ATRN: variants seen among roughly 807,000 people sequenced by gnomAD.
The protein encoded by ATRN is attractin-2.
A neutral mutation model predicts 178.7 loss-of-function variants in ATRN; 54 were observed. The observed-to-expected ratio is 0.30, with a 90% CI of 0.24 to 0.38. The LOEUF (loss-of-function observed/expected upper bound fraction) is 0.38, where lower values mean the gene tolerates loss of function less well. Among genes scored for constraint, ATRN ranks in the 10% least tolerant of loss-of-function variants. The probability of loss-of-function intolerance (pLI) is 1.00; values close to 1 mark genes in which losing one functional copy is unlikely to be tolerated. For synonymous variants in ATRN, 636 were observed against 663.0 expected (o/e 0.96, Z 0.63); for missense variants, 1,443 against 1,815.1 (o/e 0.79, Z 3.73).
At chr20:3,577,398 G>A (rs912987430) in intron 14 of ATRN, among the ~76,000 whole-genome samples, 6 of 152,112 alleles carry the variant, frequency 3.9e-5, no homozygotes, top group African/African-American at 1.4e-4. Context: ...CTGCTAATGG[G>A]CCTTCTCTGA....
At chr20:3,580,888 T>C (rs1025682625) in intron 15 of ATRN, among the ~76,000 whole-genome samples, 9 of 152,216 alleles carry the variant, frequency 5.9e-5, no homozygotes, top group African/African-American at 2.2e-4. Context: ...ATTGTCTTTC[T>C]TTCTTTTGGA....
rs1364803740 is a variant in ATRN at position 3,650,106 on chromosome 20, C to T, written c.*3259C>T. The T allele has an allele frequency of 3.3e-5, 5 of 152,364 alleles. No individual in the cohort carries two copies. The highest frequency in any genetic ancestry group is 3.3e-4 in the Admixed American group (5 of 15,280). The allele number at this position is 152,364 out of a possible 1,614,324, so 9.4% of individuals were successfully genotyped here. On this transcript the variant is annotated 3_prime_UTR_variant, in exon 29 of 29. Transcript: ENST00000262919. ...AGTACTGGACTACCCGTGGGTAAGT[C>T]CTGCCATTCAAGACTGGAGACACCT...
At chr20:3,495,017 T>C (rs2084859339) in intron 1 of ATRN, among the ~76,000 whole-genome samples, 2 of 152,348 alleles carry the variant, frequency 1.3e-5, no homozygotes, top group South Asian at 4.1e-4. Context: ...TTAAAACATA[T>C]AGAATTCATT....
rs767024918 is a variant in ATRN, at chr20:3,604,220, CTTTG to C, written c.3763_3766del (p.Val1255MetfsTer29). Reference sequence around the variant, plus strand: ...TTCGCAACCACCCAAATATCACTTTCTTTGTTTATGTCAGTAATTTCACCTGGCC... The same window carrying C: ...TTCGCAACCACCCAAATATCACTTTCTTTATGTCAGTAATTTCACCTGGCC... On this transcript the variant is annotated frameshift_variant, in exon 24 of 29. Coordinates refer to ENST00000262919, the MANE Select transcript of ATRN (RefSeq NM_139321.3). LOFTEE classifies it high-confidence loss of function. 1.9e-6 allele frequency: 3 copies of C among 1,612,456 alleles called. No individual in the cohort carries two copies. The highest frequency in any genetic ancestry group is 2.5e-6 in the Non-Finnish European group (3 of 1,179,564).
chr20:3,630,778 C>T (rs1320415352), intron 25 of ATRN, among the ~76,000 whole-genome samples: 1 of 152,080 alleles, frequency 6.6e-6, no homozygotes, highest in Non-Finnish European at 1.5e-5. Flanking sequence ...GAAAAGAATC[C>T]GGAACTTTGG....
intron 10 of ATRN, among the ~76,000 whole-genome samples, chr20:3,564,483 C>CT (rs775229595): frequency 3.9e-5 from 6 of 152,122 alleles, no homozygotes; most frequent in Non-Finnish European, 7.4e-5. Flanking sequence ...GAGTGAGACA[C>CT]TGAGTGTGAG....
At chr20:3,519,930 A>T (rs1030917684) in intron 1 of ATRN, among the ~76,000 whole-genome samples, 3 of 152,232 alleles carry the variant, frequency 2.0e-5, no homozygotes, top group Non-Finnish European at 2.9e-5. Flanking sequence ...TGTACAGGTA[A>T]AAGAAAGATG....
At chr20:3,478,862 CT>C (rs1184861377) in intron 1 of ATRN, among the ~76,000 whole-genome samples, 1 of 150,518 alleles carries the variant, frequency 6.6e-6, no homozygotes, top group African/African-American at 2.4e-5. Flanking sequence ...CCCATTCTTT[CT>C]TTTCATCTCT....
At chr20:3,604,363 T>C in intron 24 of ATRN, 101 bp downstream of exon 24, 3 of 1,361,808 alleles carry the variant, frequency 2.2e-6, no homozygotes, top group Non-Finnish European at 2.0e-6. Flanking sequence ...AGATGTGCAA[T>C]GTGGCTTTGC....
intron 25 of ATRN, among the ~76,000 whole-genome samples, chr20:3,633,801 G>T (rs1354525880): frequency 6.6e-6 from 1 of 152,098 alleles, no homozygotes. Context: ...CATTTCAAAT[G>T]TGTTTTATTT....
At chr20:3,528,528 G>C (rs1357808696) in intron 1 of ATRN, among the ~76,000 whole-genome samples, 1 of 152,064 alleles carries the variant, frequency 6.6e-6, no homozygotes, top group Non-Finnish European at 1.5e-5. Flanking sequence ...CTTACAAGTA[G>C]GAACTAATCA....
chr20:3,594,401 G>T lies in ATRN; in HGVS notation c.3323-78G>T, dbSNP rs75510145. ...TACTGAACTCAATTCAGATAAAATT[G>T]CTTGTTTTGGAAAAAGTCTCCAATA... On this transcript the variant is annotated intron_variant, in intron 19 of 28. Transcript: ENST00000262919. 2,669 of 1,157,340 alleles carry T rather than the reference G, an allele frequency of 2.3e-3. 85 individuals carry two copies. The East Asian group carries it at 0.055, about 24-fold the overall frequency. The allele number at this position is 1,157,340 out of a possible 1,614,324, so 71.7% of individuals were successfully genotyped here.
At position 3,540,341 on chromosome 20, in the gene ATRN, C is replaced by T; in HGVS notation, c.608+6C>T. ...CCGCTAGTTGCTGCATTTAGGTAAG[C>T]TCAGTCTTACAAGCCTTCTTTCATC... On this transcript the variant is annotated splice_donor_region_variant and intron_variant, in intron 3 of 28. Transcript: ENST00000262919. 2 of 1,526,018 alleles carry T rather than the reference C, an allele frequency of 1.3e-6. No individual in the cohort carries two copies. Among genetic ancestry groups the T allele is most frequent in the Non-Finnish European group, 1.8e-6 (2 of 1,109,654 alleles). 94.5% of individuals were successfully genotyped at this position (1,526,018 alleles called of 1,614,324 possible).
At chr20:3,486,359 G>A (rs560093247) in intron 1 of ATRN, among the ~76,000 whole-genome samples, 1 of 150,960 alleles carries the variant, frequency 6.6e-6, no homozygotes, top group East Asian at 1.9e-4. Flanking sequence ...GTGCCATTTT[G>A]TTTCCTTCTG....
intron 11 of ATRN, among the ~76,000 whole-genome samples, chr20:3,569,120 G>T (rs1451293067): frequency 1.3e-5 from 2 of 152,202 alleles, no homozygotes; most frequent in Non-Finnish European, 2.9e-5. Flanking sequence ...TTTGGAATTA[G>T]AAATAGATTT....
intron 2 of ATRN, among the ~76,000 whole-genome samples, chr20:3,535,627 A>G (rs1331410194): frequency 1.0e-5 from 1 of 98,544 alleles, no homozygotes; most frequent in Admixed American, 9.6e-5. Flanking sequence ...ACACACACAC[A>G]TATATATTTA....
chr20:3,560,144 A>G lies in ATRN; in HGVS notation c.1204-518A>G, dbSNP rs187739107. Among the ~76,000 whole-genome samples, 921 of 151,236 alleles carry G rather than the reference A, an allele frequency of 6.1e-3. 13 individuals are homozygous for G. Among genetic ancestry groups the G allele is most frequent in the African/African-American group, 0.021 (856 of 41,176 alleles). ...ATTTACATTCTTTTTTTCCTTCTTC[A>G]TTCTCCCCCACCAGCCTGCCAGCCT... On this transcript the variant is annotated intron_variant, in intron 7 of 28. Coordinates refer to ENST00000262919, the MANE Select transcript of ATRN (RefSeq NM_139321.3).
chr20:3,631,108 GC>G (rs1484804967), intron 25 of ATRN, among the ~76,000 whole-genome samples: 1 of 151,466 alleles, frequency 6.6e-6, no homozygotes, highest in Non-Finnish European at 1.5e-5. Flanking sequence ...GCACCATCAT[GC>G]CCAGCTAATA....
At chr20:3,575,975 A>C in intron 13 of ATRN, 27 bp downstream of exon 13, 1 of 1,609,792 alleles carries the variant, frequency 6.2e-7, no homozygotes, top group Non-Finnish European at 8.5e-7. Context: ...TAAAGATTTC[A>C]GAAAAATCCC....
Sources: gnomAD v4.1 joint callset for allele counts (sites outside exome capture counted in the v4.1 genomes callset) on GRCh38, gnomAD v4.1.1 for gene constraint, MANE v1.5 for transcripts, NCBI Gene and HGNC (gene_info 2026-07-23, HGNC 2026-07-21) for gene names.